Variants in SFMBT1 observed in about 807,000 individuals in gnomAD.
The protein encoded by SFMBT1 is Scm like with four mbt domains 1.
Under a neutral mutation model 108.7 loss-of-function variants are expected in SFMBT1, and 32 were observed. The observed-to-expected ratio is 0.29, with a 90% confidence interval of 0.22 to 0.40. SFMBT1 has a LOEUF of 0.40. Among genes scored for constraint, SFMBT1 ranks in the 10% least tolerant of loss-of-function variants. SFMBT1 has a pLI of 1.00. For synonymous variants in SFMBT1, 348 were observed against 369.5 expected (o/e 0.94, Z 0.67); for missense variants, 816 against 1,059.6 (o/e 0.77, Z 3.19).
chr3:52,946,898 A>T (rs1462932571), intron 3 of SFMBT1, among the ~76,000 whole-genome samples: 5 of 151,500 alleles, frequency 3.3e-5, no homozygotes, highest in African/African-American at 7.3e-5. Context: ...CAGCCTCCCA[A>T]GTAGCTGGGA....
Position 52,904,967 on chromosome 3 carries a change from C to T in SFMBT1, c.*169G>A. ...CCAGCAGGTGATCCACTTCTGTGCA[C>T]AGTTTTTGCTTCCTCACTGTGAGTC... On this transcript the variant is annotated 3_prime_UTR_variant, in exon 21 of 21. Coordinates refer to ENST00000394752, the MANE Select transcript of SFMBT1 (RefSeq NM_016329.4). The T allele has an allele frequency of 5.5e-6, 4 of 733,392 alleles. No homozygotes were observed. The highest frequency in any genetic ancestry group is 6.1e-5 in the East Asian group (2 of 33,052). The allele number at this position is 733,392 out of a possible 1,614,324, so 45.4% of individuals were successfully genotyped here.
At chr3:52,988,979 A>G (rs1180037757) in intron 1 of SFMBT1, among the ~76,000 whole-genome samples, 2 of 152,174 alleles carry the variant, frequency 1.3e-5, no homozygotes, top group Non-Finnish European at 2.9e-5. Context: ...ACACCTTTCA[A>G]TCTAACATAT....
chr3:52,937,588 CTT>C (rs779628148), intron 4 of SFMBT1, among the ~76,000 whole-genome samples: 1 of 146,196 alleles, frequency 6.8e-6, no homozygotes, highest in Admixed American at 6.8e-5. Flanking sequence ...ATGATTCATT[CTT>C]TTTTTTTTTT....
At chr3:53,001,928 C>CACACACACACACACACACAA (rs1698568374) in intron 1 of SFMBT1, among the ~76,000 whole-genome samples, 2 of 56,568 alleles carry the variant, frequency 3.5e-5, no homozygotes, top group Admixed American at 3.4e-4. Context: ...CAGTCTCTCA[C>CACACACACACACACACACAA]ACACACACAC....
At chr3:52,969,460 TG>T (rs1195962062) in intron 1 of SFMBT1, among the ~76,000 whole-genome samples, 1 of 152,178 alleles carries the variant, frequency 6.6e-6, no homozygotes, top group Non-Finnish European at 1.5e-5. Flanking sequence ...TGCGTCTGTA[TG>T]TGTAGAGAAC....
chr3:52,961,893 C>T (rs1483347131), intron 2 of SFMBT1, among the ~76,000 whole-genome samples: 1 of 152,056 alleles, frequency 6.6e-6, no homozygotes, highest in Non-Finnish European at 1.5e-5. Context: ...AAATAAGTAA[C>T]AATTAAAATG....
intron 4 of SFMBT1, among the ~76,000 whole-genome samples, chr3:52,937,995 A>C (rs988984782): frequency 7.2e-5 from 11 of 152,142 alleles, no homozygotes; most frequent in Admixed American, 2.0e-4. Flanking sequence ...TTTTTCATAC[A>C]ATAACATATC....
In SFMBT1 at chr3:52,993,489, T is replaced by C. The variant is rs1325738305; in HGVS notation, c.-130-24231A>G. ...TTTATGTGCTAGCAGTAAATTTCTATACCTTTAAGGGATAATTCTAGGCTA... is the reference window on the plus strand; with the variant it reads ...TTTATGTGCTAGCAGTAAATTTCTACACCTTTAAGGGATAATTCTAGGCTA... On this transcript the variant is annotated intron_variant, in intron 1 of 20. Coordinates refer to ENST00000394752, the MANE Select transcript of SFMBT1 (RefSeq NM_016329.4). 9.3e-5 allele frequency among the ~76,000 whole-genome samples: 14 copies of C among 150,172 alleles called. No individual in the cohort carries two copies. The Admixed American group carries it at 9.4e-4, about 10-fold the overall frequency.
At chr3:52,938,389 T>C (rs551935639) in intron 4 of SFMBT1, among the ~76,000 whole-genome samples, 5 of 152,272 alleles carry the variant, frequency 3.3e-5, no homozygotes, top group East Asian at 1.9e-4. Flanking sequence ...TTTACACATA[T>C]AGTTTCTCTT....
intron 1 of SFMBT1, among the ~76,000 whole-genome samples, chr3:52,992,691 A>G (rs1194060389): frequency 6.6e-6 from 1 of 152,196 alleles, no homozygotes; most frequent in Non-Finnish European, 1.5e-5. Context: ...TTCAGAAGGA[A>G]AAACTAAGGG....
rs764427895 is a variant in SFMBT1, at chr3:52,932,184, T to C, written c.578A>G (p.Lys193Arg). 7 of 1,614,204 alleles carry C rather than the reference T, an allele frequency of 4.3e-6. No individual in the cohort carries two copies. Among genetic ancestry groups the C allele is most frequent in the Non-Finnish European group, 5.9e-6 (7 of 1,180,034 alleles). ...TVVENIGGRL[K>R]LRYEGLESSD... Reference sequence around the variant, plus strand: ...ACTTTCAAGTCCTTCATAACGTAGCTTCAGCCTTCCTCCAATGTTTTCTAC... The same window carrying C: ...ACTTTCAAGTCCTTCATAACGTAGCCTCAGCCTTCCTCCAATGTTTTCTAC... The change falls in exon 6 of 21, where the codon AAG becomes AGG. Residue 193 changes from lysine to arginine, a missense_variant. Around this residue, in one of 5 missense-constraint regions of SFMBT1, gnomAD observed 495 missense variants for 607.4 expected, o/e 0.81. Coordinates refer to ENST00000394752, the MANE Select transcript of SFMBT1 (RefSeq NM_016329.4).
At chr3:53,006,987 G>C (rs2106922074) in intron 1 of SFMBT1, among the ~76,000 whole-genome samples, 1 of 152,236 alleles carries the variant, frequency 6.6e-6, no homozygotes, top group South Asian at 2.1e-4. Context: ...GGGTATGCAG[G>C]GACCACACTG....
chr3:53,011,901 T>C (rs888993677), intron 1 of SFMBT1, among the ~76,000 whole-genome samples: 2 of 152,148 alleles, frequency 1.3e-5, no homozygotes, highest in Non-Finnish European at 2.9e-5. Context: ...GGTTGGATTG[T>C]AGGTTTGCAA....
At chr3:52,967,641 C>G (rs1704191247) in intron 2 of SFMBT1, among the ~76,000 whole-genome samples, 1 of 151,940 alleles carries the variant, frequency 6.6e-6, no homozygotes, top group South Asian at 2.1e-4. Context: ...AAAAATAAAC[C>G]AATTGATAAT....
At chr3:52,919,494 G>A (rs1390148655) in intron 12 of SFMBT1, among the ~76,000 whole-genome samples, 5 of 152,202 alleles carry the variant, frequency 3.3e-5, no homozygotes, top group African/African-American at 1.2e-4. Context: ...AAGTAGATTC[G>A]TGGATGCTGG....
chr3:52,961,879 T>C (rs772552638), intron 2 of SFMBT1, among the ~76,000 whole-genome samples: 2 of 151,974 alleles, frequency 1.3e-5, no homozygotes, highest in African/African-American at 2.4e-5. Context: ...AATTTAAAAA[T>C]AAAAAATAAG....
chr3:53,022,021 C>T (rs563156882), intron 1 of SFMBT1, among the ~76,000 whole-genome samples: 2 of 152,274 alleles, frequency 1.3e-5, no homozygotes, highest in African/African-American at 2.4e-5. Context: ...AGATTCCTCA[C>T]CGCTCTCTAG....
chr3:52,916,569 T>C (rs982807546), intron 13 of SFMBT1, among the ~76,000 whole-genome samples: 1 of 151,274 alleles, frequency 6.6e-6, no homozygotes, highest in African/African-American at 2.4e-5. Flanking sequence ...CTAAGGAGGC[T>C]GAGGGAGGAG....
chr3:52,976,144 G>A (rs560867865), intron 1 of SFMBT1, among the ~76,000 whole-genome samples: 4 of 150,134 alleles, frequency 2.7e-5, no homozygotes, highest in African/African-American at 9.8e-5. Flanking sequence ...GCTCATGCCT[G>A]TAATCCCAGC....
Sources: gnomAD v4.1 joint callset for allele counts (sites outside exome capture counted in the v4.1 genomes callset) on GRCh38, gnomAD v4.1.1 for gene constraint, gnomAD v4.1.1 regional missense constraint, MANE v1.5 for transcripts, NCBI Gene and HGNC (gene_info 2026-07-23, HGNC 2026-07-21) for gene names.